ASB1: variants seen among roughly 807,000 people sequenced by gnomAD.
The protein encoded by ASB1 is ankyrin repeat and SOCS box containing 1, also known as ankyrin repeat and SOCS box protein 1.
ASB1 carries 18 observed loss-of-function variants against 27.7 expected under a neutral mutation model. The observed-to-expected ratio is 0.65, with a 90% CI of 0.45 to 0.96. The LOEUF is 0.96. Among genes scored for constraint, ASB1 ranks in the 50% least tolerant of loss-of-function variants. ASB1 has a pLI of 0.00. For synonymous variants in ASB1, 189 were observed against 187.6 expected (o/e 1.01, Z -0.06); for missense variants, 397 against 451.7 (o/e 0.88, Z 1.10).
At chr2:238,430,722 A>C (rs1293570722) in intron 1 of ASB1, among the ~76,000 whole-genome samples, 1 of 152,250 alleles carries the variant, frequency 6.6e-6, no homozygotes, top group Non-Finnish European at 1.5e-5. Context: ...TGAAAGTCAG[A>C]ATGACTCCTT....
intron 1 of ASB1, among the ~76,000 whole-genome samples, chr2:238,430,318 A>T (rs965153781): frequency 3.2e-4 from 48 of 152,234 alleles, no homozygotes; most frequent in Admixed American, 3.1e-3. Flanking sequence ...TGTTGTCATT[A>T]TGACAGTGTC....
chr2:238,440,025 G>A (rs562639592), intron 3 of ASB1, among the ~76,000 whole-genome samples: 29 of 152,150 alleles, frequency 1.9e-4, no homozygotes, highest in Non-Finnish European at 1.6e-4. Flanking sequence ...TTTGATATTC[G>A]TATTGTCTCA....
At position 238,429,186 on chromosome 2, in the gene ASB1, A is replaced by G. The variant is rs536151370; in HGVS notation, c.49+2067A>G. Among the ~76,000 whole-genome samples, 3 of 152,342 alleles carry G rather than the reference A, an allele frequency of 2.0e-5. No homozygotes were observed. In the South Asian group the frequency reaches 6.2e-4, roughly 32 times the overall value. ...GTACTGAAAAGAGATTAATTTTAATATAAAAAACAATGTCAGCATCTGGAA... is the reference window on the plus strand; with the variant it reads ...GTACTGAAAAGAGATTAATTTTAATGTAAAAAACAATGTCAGCATCTGGAA... On this transcript the variant is annotated intron_variant, in intron 1 of 4. Coordinates refer to ENST00000264607, the MANE Select transcript of ASB1 (RefSeq NM_001040445.3).
At chr2:238,445,659 G>A (rs1309393070) in intron 4 of ASB1, among the ~76,000 whole-genome samples, 2 of 152,054 alleles carry the variant, frequency 1.3e-5, no homozygotes, top group African/African-American at 2.4e-5. Context: ...CCCTCCCACC[G>A]CTCCCAGTCT....
chr2:238,433,466 AG>A, intron 1 of ASB1, 87 bp from the exon 2 acceptor site: 10 of 1,500,548 alleles, frequency 6.7e-6, no homozygotes, highest in Non-Finnish European at 8.2e-6. Flanking sequence ...TAGCTGGGAG[AG>A]GGAAGGCTCG....
intron 1 of ASB1, among the ~76,000 whole-genome samples, chr2:238,428,333 C>G (rs1360618036): frequency 2.0e-5 from 3 of 152,186 alleles, no homozygotes; most frequent in Non-Finnish European, 4.4e-5. Flanking sequence ...TCTTGTTGCC[C>G]AGGGTGGAGT....
rs758510796 is a variant in ASB1, at chr2:238,433,629, A to G, written c.125A>G (p.His42Arg). 5.0e-6 allele frequency: 8 copies of G among 1,614,152 alleles called. No homozygotes were observed. The highest frequency in any genetic ancestry group is 6.8e-6 in the Non-Finnish European group (8 of 1,180,014). Residue 42 changes from histidine to arginine, a missense_variant, in exon 2 of 5, where the codon CAT (histidine) becomes CGT (arginine). Physicochemically the swap from His to Arg is conservative, Grantham distance 29. Transcript: ENST00000264607. ...GAGCACTGTGAGGACACGAGGCTCC[A>G]TGATGCAGCTTACGTCGGGGACCTC... ...PLEHCEDTRL[H>R]DAAYVGDLQT...
intron 1 of ASB1, chr2:238,427,377 G>T (rs1437815628): frequency 5.4e-6 from 2 of 367,764 alleles, no homozygotes; most frequent in East Asian, 7.9e-5. Context: ...GAACTTGCTC[G>T]TAACTTCCTT....
intron 3 of ASB1, among the ~76,000 whole-genome samples, chr2:238,438,213 T>G (rs1230057050): frequency 1.4e-5 from 2 of 145,478 alleles, no homozygotes; most frequent in Admixed American, 1.4e-4. Context: ...TTTTTTTTTT[T>G]TTTTGAGACG....
intron 1 of ASB1, 138 bp from the exon 2 acceptor site, chr2:238,433,416 C>A: frequency 9.3e-7 from 1 of 1,072,442 alleles, no homozygotes; most frequent in East Asian, 2.6e-5. Context: ...CCACCATGCC[C>A]AGCTTGTGAT....
At chr2:238,429,658 G>A (rs1027523932) in intron 1 of ASB1, among the ~76,000 whole-genome samples, 8 of 152,210 alleles carry the variant, frequency 5.3e-5, no homozygotes, top group Admixed American at 2.6e-4. Context: ...TAGGCCAGGC[G>A]CCAGTGGTTC....
chr2:238,433,300 T>G, intron 1 of ASB1: 1 of 381,022 alleles, frequency 2.6e-6, no homozygotes, highest in Non-Finnish European at 4.8e-6. Context: ...ATTTATTTCT[T>G]TTGTTTTTAC....
Position 238,449,506 on chromosome 2 carries a change from A to G in ASB1, c.*2995A>G, listed in dbSNP as rs1342221255. 1.3e-5 allele frequency: 2 copies of G among 152,634 alleles called. No homozygotes were observed. Among genetic ancestry groups the G allele is most frequent in the African/African-American group, 2.4e-5 (1 of 41,430 alleles). 9.5% of individuals were successfully genotyped at this position (152,634 alleles called of 1,614,324 possible). ...CCTGGGCCTTGGCTGCTGTCAACAG[A>G]TGGGCTGGGCTGGGCTGTGGTGGGG... On this transcript the variant is annotated 3_prime_UTR_variant, in exon 5 of 5. Transcript: ENST00000264607.
In ASB1 at chr2:238,446,525, C is replaced by T. The variant is rs147152590; in HGVS notation, c.*14C>T. 5.3e-5 allele frequency: 85 copies of T among 1,612,834 alleles called. No homozygotes were observed. Among genetic ancestry groups the T allele is most frequent in the African/African-American group, 4.5e-4 (34 of 75,016 alleles). On this transcript the variant is annotated 3_prime_UTR_variant, in exon 5 of 5. Transcript: ENST00000264607. Reference sequence around the variant, plus strand: ...CTCCATGAGTAGACTCCAAGTGCTGCGGTTGATTCCAGTGAGGGAGAAAGT... The same window carrying T: ...CTCCATGAGTAGACTCCAAGTGCTGTGGTTGATTCCAGTGAGGGAGAAAGT...
intron 1 of ASB1, among the ~76,000 whole-genome samples, chr2:238,431,104 G>C (rs78934184): frequency 0.07 from 10,715 of 152,288 alleles, 622 homozygotes; most frequent in African/African-American, 0.15. Context: ...GTCCTAGATG[G>C]CATCTTTTTT....
intron 3 of ASB1, among the ~76,000 whole-genome samples, chr2:238,441,952 T>A (rs1702085823): frequency 6.6e-6 from 1 of 152,212 alleles, no homozygotes; most frequent in African/African-American, 2.4e-5. Context: ...AAACAATGAA[T>A]GAGATTTCCT....
Position 238,449,984 on chromosome 2 carries a change from G to A in ASB1, c.*3473G>A, listed in dbSNP as rs1334138585. 2.6e-5 allele frequency: 4 copies of A among 152,288 alleles called. No homozygotes were observed. The highest frequency in any genetic ancestry group is 9.6e-5 in the African/African-American group (4 of 41,470). 9.4% of individuals were successfully genotyped at this position (152,288 alleles called of 1,614,324 possible). On this transcript the variant is annotated 3_prime_UTR_variant, in exon 5 of 5. Coordinates refer to ENST00000264607, the MANE Select transcript of ASB1 (RefSeq NM_001040445.3). Reference sequence around the variant, plus strand: ...GGCCACATCCCTATTAACAGAGGCAGCTCCACTTCAGACAGGGACAAGGCT... The same window carrying A: ...GGCCACATCCCTATTAACAGAGGCAACTCCACTTCAGACAGGGACAAGGCT...
intron 3 of ASB1, among the ~76,000 whole-genome samples, chr2:238,441,051 C>T (rs1484764989): frequency 1.3e-5 from 2 of 152,144 alleles, no homozygotes; most frequent in Non-Finnish European, 2.9e-5. Context: ...GTTTAGTGTG[C>T]CTGAAAAGAA....
intron 3 of ASB1, among the ~76,000 whole-genome samples, chr2:238,440,518 G>A (rs191559904): frequency 2.0e-4 from 30 of 152,302 alleles, no homozygotes; most frequent in Non-Finnish European, 4.0e-4. Flanking sequence ...TGTGGCACCA[G>A]CCAGCCCCCC....
Sources: gnomAD v4.1 joint callset for allele counts (sites outside exome capture counted in the v4.1 genomes callset) on GRCh38, gnomAD v4.1.1 for gene constraint, MANE v1.5 for transcripts, NCBI Gene and HGNC (gene_info 2026-07-23, HGNC 2026-07-21) for gene names.